The following IL1RN variants were observed in gnomAD, a reference collection of about 807,000 sequenced individuals.
The protein encoded by IL1RN is interleukin 1 receptor antagonist.
Under a neutral mutation model 13.7 loss-of-function variants are expected in IL1RN, and 10 were observed. That is an observed-to-expected ratio of 0.73 (90% confidence interval 0.45 to 1.24). IL1RN has a LOEUF of 1.24. Ranked by LOEUF, IL1RN falls within the 50% of genes most tolerant of loss-of-function variation. The probability of loss-of-function intolerance (pLI) is 0.00; values close to 1 mark genes in which losing one functional copy is unlikely to be tolerated. For synonymous variants in IL1RN, 102 were observed against 82.7 expected, an observed-to-expected ratio of 1.23 and a Z score of -1.27; for missense variants, 213 against 222.1, an observed-to-expected ratio of 0.96 and a Z score of 0.26.
intron 1 of IL1RN, among the ~76,000 whole-genome samples, chr2:113,118,668 G>A (rs186004857): frequency 7.4e-4 from 112 of 152,354 alleles, no homozygotes; most frequent in Non-Finnish European, 1.2e-3. Context: ...CTCCGGTTAG[G>A]ATTTGTGTGG....
At chr2:113,114,701 G>T (rs1050444138), upstream of IL1RN, among the ~76,000 whole-genome samples, 7 of 151,990 alleles carry the variant, frequency 4.6e-5, no homozygotes, top group Admixed American at 4.6e-4. Flanking sequence ...GAGAGAATGA[G>T]AATATGAGTG....
At chr2:113,124,790 A>C (rs1360277952), upstream of IL1RN, among the ~76,000 whole-genome samples, 1 of 152,084 alleles carries the variant, frequency 6.6e-6, no homozygotes. Context: ...ATTCAGACCT[A>C]GACTCCATAA....
At chr2:113,101,665 G>T in the IL1RN span, among the ~76,000 whole-genome samples, 1 of 152,190 alleles carries the variant, frequency 6.6e-6, no homozygotes, top group Non-Finnish European at 1.5e-5. Flanking sequence ...ATTAAAACTG[G>T]CACTGGTCTA....
At chr2:113,129,693 T>C (rs1226748709) in intron 2 of IL1RN, 29 bp downstream of exon 2, 2 of 1,438,132 alleles carry the variant, frequency 1.4e-6, no homozygotes, top group Non-Finnish European at 2.0e-6. Context: ...AGCCAATGTA[T>C]GTGGGCATCA....
upstream of IL1RN, among the ~76,000 whole-genome samples, chr2:113,105,048 GT>G (rs1481653905): frequency 6.6e-6 from 1 of 152,226 alleles, no homozygotes; most frequent in Non-Finnish European, 1.5e-5. Flanking sequence ...AAAGGAAGTT[GT>G]AACACCAATA....
upstream of IL1RN, chr2:113,117,659 G>T (rs145252866): frequency 1.1e-3 from 484 of 445,490 alleles, 1 homozygote; most frequent in Non-Finnish European, 1.7e-3. Context: ...CGGCAGTCGG[G>T]GTTGGGGTAA....
In IL1RN at chr2:113,133,046, C is replaced by G; in HGVS notation, c.*175C>G. The stretch of plus-strand genomic sequence containing the variant: ...AGGACTCTGCCTCCTCTTCAACTGA[C>G]CAGCCTCCATGCTGCCTCCAGAATG... On this transcript the variant is annotated 3_prime_UTR_variant, in exon 4 of 4. Coordinates refer to ENST00000409930, the MANE Select transcript of IL1RN (RefSeq NM_173842.3). 5.8e-6 allele frequency: 4 copies of G among 685,414 alleles called. No individual in the cohort carries two copies. The South Asian group carries it at 6.3e-5, about 11-fold the overall frequency. 42.5% of individuals were successfully genotyped at this position (685,414 alleles called of 1,614,324 possible).
At chr2:113,110,814 T>C (rs564733856), upstream of IL1RN, among the ~76,000 whole-genome samples, 2 of 152,374 alleles carry the variant, frequency 1.3e-5, no homozygotes, top group African/African-American at 4.8e-5. Flanking sequence ...TCTATCCCAC[T>C]GTGGGTGTCC....
chr2:113,119,985 G>T lies in IL1RN; in HGVS notation c.11-81G>T, dbSNP rs1309703715. ...AGATGGAACCATGTGCATACACTTTGTGTTACCTTGGACAAGTCATTCATT... is the reference window on the plus strand; with the variant it reads ...AGATGGAACCATGTGCATACACTTTTTGTTACCTTGGACAAGTCATTCATT... On this transcript the variant is annotated intron_variant, in intron 1 of 5. Coordinates refer to the IL1RN transcript ENST00000259206. The T allele has an allele frequency of 7.4e-6, 8 of 1,083,304 alleles. No individual in the cohort carries two copies. In the African/African-American group the frequency reaches 1.3e-4, roughly 17 times the overall value. The allele number at this position is 1,083,304 out of a possible 1,614,324, so 67.1% of individuals were successfully genotyped here.
chr2:113,128,109 T>C (rs1687031608), intron 1 of IL1RN, among the ~76,000 whole-genome samples: 1 of 152,230 alleles, frequency 6.6e-6, no homozygotes. Flanking sequence ...GGGCAAGGCC[T>C]GTCTGTGCTG....
At chr2:113,107,616 C>T (rs1173484925), upstream of IL1RN, among the ~76,000 whole-genome samples, 1 of 151,584 alleles carries the variant, frequency 6.6e-6, no homozygotes, top group East Asian at 1.9e-4. Context: ...ACCTGTAATC[C>T]CAGCTACTTG....
chr2:113,109,375 G>A (rs1454110447), upstream of IL1RN, among the ~76,000 whole-genome samples: 1 of 143,414 alleles, frequency 7.0e-6, no homozygotes, highest in African/African-American at 2.6e-5. Flanking sequence ...TTGTGCCATT[G>A]CATTCCAGCC....
chr2:113,105,537 C>T (rs182191146), upstream of IL1RN, among the ~76,000 whole-genome samples: 1 of 152,310 alleles, frequency 6.6e-6, no homozygotes, highest in East Asian at 1.9e-4. Flanking sequence ...GAGGCACAAC[C>T]TTCTGCTCAG....
rs1226009223 is a variant in IL1RN at position 113,118,022 on chromosome 2, G to A, written c.4G>A (p.Ala2Thr). The change falls in exon 1 of 6, where the codon GCT becomes ACT. Residue 2 changes from alanine (A) to threonine (T), a missense_variant. Ala to Thr is a moderately conservative substitution (Grantham distance 58). Coordinates refer to the IL1RN transcript ENST00000259206. ...CCTGTCCTATGAGGCCCTCCCCATGGCTTTAGGTAAGCTCCTTCCACTCTC... is the reference window on the plus strand; with the variant it reads ...CCTGTCCTATGAGGCCCTCCCCATGACTTTAGGTAAGCTCCTTCCACTCTC... 2.5e-6 allele frequency: 4 copies of A among 1,598,308 alleles called. No individual in the cohort carries two copies. The highest frequency in any genetic ancestry group is 3.4e-6 in the Non-Finnish European group (4 of 1,165,394).
At chr2:113,102,720 C>T (rs547030224), upstream of IL1RN, among the ~76,000 whole-genome samples, 28 of 150,524 alleles carry the variant, frequency 1.9e-4, no homozygotes, top group East Asian at 1.2e-3. Flanking sequence ...TTTGGGCAGG[C>T]GTGGGGGTCA....
upstream of IL1RN, among the ~76,000 whole-genome samples, chr2:113,116,631 T>A (rs185533138): frequency 8.1e-4 from 124 of 152,168 alleles, 9 homozygotes; most frequent in Admixed American, 1.5e-3. Flanking sequence ...CCTTACCAGA[T>A]CCCTGTTGAG....
At chr2:113,119,800 T>C (rs1454985375) in intron 1 of IL1RN, among the ~76,000 whole-genome samples, 1 of 152,212 alleles carries the variant, frequency 6.6e-6, no homozygotes, top group African/African-American at 2.4e-5. Context: ...GAAGACACCA[T>C]GTTCCCTGGG....
upstream of IL1RN, among the ~76,000 whole-genome samples, chr2:113,109,775 A>C (rs938089438): frequency 4.6e-5 from 7 of 152,176 alleles, 1 homozygote; most frequent in Admixed American, 1.3e-4. Context: ...AAAAAAAAAA[A>C]AACCTCAGCA....
the IL1RN span, among the ~76,000 whole-genome samples, chr2:113,099,522 T>C: frequency 6.6e-6 from 1 of 152,180 alleles, no homozygotes; most frequent in Non-Finnish European, 1.5e-5. Flanking sequence ...GTTCCTCGAC[T>C]GTCCCATGGA....
Sources: gnomAD v4.1 joint callset for allele counts (sites outside exome capture counted in the v4.1 genomes callset) on GRCh38, gnomAD v4.1.1 for gene constraint, MANE v1.5 for transcripts, NCBI Gene and HGNC (gene_info 2026-07-23, HGNC 2026-07-21) for gene names.